CFAP126: variants seen among roughly 807,000 people sequenced by gnomAD.
CFAP126 encodes cilia and flagella associated protein 126.
CFAP126 carries 21 observed loss-of-function variants against 17.1 expected under a neutral mutation model. The observed-to-expected ratio is 1.23, with a 90% CI of 0.87 to 1.77. CFAP126 has a LOEUF of 1.77. CFAP126 is among the 40% of genes most tolerant of loss of function. The probability of loss-of-function intolerance (pLI) is 0.00; values close to 1 mark genes in which losing one functional copy is unlikely to be tolerated. For synonymous variants in CFAP126, 65 were observed against 73.5 expected (o/e 0.88, Z 0.59); for missense variants, 174 against 215.4 (o/e 0.81, Z 1.20).
intron 3 of CFAP126, 72 bp downstream of exon 3, chr1:161,366,126 G>T: frequency 8.2e-7 from 1 of 1,215,376 alleles, no homozygotes. Context: ...ATGGCTGTGA[G>T]AGACTGCACA....
intron 1 of CFAP126, 75 bp downstream of exon 1, chr1:161,367,767 A>G (rs754564503): frequency 7.6e-7 from 1 of 1,312,040 alleles, no homozygotes; most frequent in Non-Finnish European, 1.1e-6. Flanking sequence ...TCAGAATCCT[A>G]TGAGAGGGGA....
In CFAP126 at chr1:161,364,794, CCT is replaced by C. The variant is rs1672667780; in HGVS notation, c.*169_*170del. On this transcript the variant is annotated 3_prime_UTR_variant, in exon 5 of 5. Transcript: ENST00000367974. ...GCTTTTACTCCCACCCCAAAATTTCCCTGTTTCACAGTTCTGACTGGGGGCTC... is the reference window on the plus strand; with the variant it reads ...GCTTTTACTCCCACCCCAAAATTTCCGTTTCACAGTTCTGACTGGGGGCTC... 1.7e-6 allele frequency: 1 copy of C among 602,404 alleles called. No homozygotes were observed. The highest frequency in any genetic ancestry group is 2.7e-6 in the Non-Finnish European group (1 of 377,248). The allele number at this position is 602,404 out of a possible 1,614,324, so 37.3% of individuals were successfully genotyped here.
intron 1 of CFAP126, chr1:161,366,779 T>C (rs75243626): frequency 0.075 from 32,978 of 440,430 alleles, 1,777 homozygotes; most frequent in East Asian, 0.21. Flanking sequence ...TTTTTTTCTT[T>C]TCTTTTTTTT....
In CFAP126 at chr1:161,365,574, A is replaced by G; in HGVS notation, c.300T>C (p.Pro100=). The G allele has an allele frequency of 6.2e-7, 1 of 1,614,206 alleles. No homozygotes were observed. The highest frequency in any genetic ancestry group is 1.3e-5 in the African/African-American group (1 of 75,062). ...GCCCATTGGAGGCCTTGAGTAAATC[A>G]GGATTTTTCTGTATCCATTTGGTGA... ...ASLTKWIQKN[P]DLLKASNGLC... Residue 100 remains proline (P), a synonymous_variant, in exon 4 of 5, where the codon CCT becomes CCC. Transcript: ENST00000367974.
At chr1:161,365,245 T>G in intron 4 of CFAP126, 95 bp from the exon 5 acceptor site, 1 of 1,256,166 alleles carries the variant, frequency 8.0e-7, no homozygotes, top group Admixed American at 2.2e-5. Flanking sequence ...TTTCTCCCCA[T>G]ACCATGGGCA....
At chr1:161,365,739 A>T in intron 3 of CFAP126, 37 bp from the exon 4 acceptor site, 1 of 1,501,798 alleles carries the variant, frequency 6.7e-7, no homozygotes, top group South Asian at 1.3e-5. Context: ...AGGGCTTCTC[A>T]CTCCCAGTAA....
intron 1 of CFAP126, 47 bp downstream of exon 1, chr1:161,367,795 C>G (rs1489589780): frequency 7.1e-6 from 11 of 1,559,182 alleles, no homozygotes; most frequent in Non-Finnish European, 9.7e-6. Flanking sequence ...AAGATAGAAT[C>G]TGAAAAACAA....
chr1:161,365,405 T>G (rs1672693262), intron 4 of CFAP126, 121 bp downstream of exon 4: 1 of 1,221,096 alleles, frequency 8.2e-7, no homozygotes, highest in East Asian at 2.3e-5. Flanking sequence ...CTAGTCAAGA[T>G]AAGACAAATT....
At position 161,366,264 on chromosome 1, in the gene CFAP126, A is replaced by T; in HGVS notation, c.105T>A (p.His35Gln). Residue 35 changes from histidine (H) to glutamine (Q), a missense_variant, in exon 3 of 5, where the codon CAT (histidine) becomes CAA (glutamine). His to Gln is a conservative substitution (Grantham distance 24). Transcript: ENST00000367974. ...TGGCAATAATTTGAGTGTAGCCTTC[A>T]TGAGAAGAGATGCTCTGGGGTACAA... The part of the protein sequence containing the change: ...TKPTKESISS[H>Q]EGYTQIIAND... The T allele has an allele frequency of 2.5e-6, 4 of 1,613,778 alleles. No homozygotes were observed. Among genetic ancestry groups the T allele is most frequent in the Non-Finnish European group, 3.4e-6 (4 of 1,179,670 alleles).
Position 161,366,203 on chromosome 1 carries a change from A to G in CFAP126, c.166T>C (p.Ser56Pro). ...RGHLLPSVPR[S>P]KANPWGSFMG... ...GAGTGAAGATAGTATCTCACCTTGGAACGGGGCACAGAAGGCAGTAGATGA... is the reference window on the plus strand; with the variant it reads ...GAGTGAAGATAGTATCTCACCTTGGGACGGGGCACAGAAGGCAGTAGATGA... Residue 56 changes from serine (S) to proline (P), a missense_variant, in exon 3 of 5, where the codon TCC becomes CCC. Transcript: ENST00000367974. The G allele has an allele frequency of 6.2e-7, 1 of 1,608,742 alleles. No homozygotes were observed. The highest frequency in any genetic ancestry group is 8.5e-7 in the Non-Finnish European group (1 of 1,175,134).
At position 161,366,263 on chromosome 1, in the gene CFAP126, C is replaced by A; in HGVS notation, c.106G>T (p.Glu36Ter). 1.2e-6 allele frequency: 2 copies of A among 1,613,676 alleles called. No homozygotes were observed. The highest frequency in any genetic ancestry group is 8.5e-7 in the Non-Finnish European group (1 of 1,179,710). Reference sequence around the variant, plus strand: ...TTGGCAATAATTTGAGTGTAGCCTTCATGAGAAGAGATGCTCTGGGGTACA... The same window carrying A: ...TTGGCAATAATTTGAGTGTAGCCTTAATGAGAAGAGATGCTCTGGGGTACA... ...KPTKESISSH[E>*]GYTQIIANDR... Residue 36 changes from glutamate (E) to a stop codon, truncating the protein, a stop_gained, in exon 3 of 5, where the codon GAA becomes TAA. Transcript: ENST00000367974. LOFTEE classifies it high-confidence loss of function.
chr1:161,367,695 T>G (rs929488437), intron 1 of CFAP126, 147 bp downstream of exon 1: 17 of 745,122 alleles, frequency 2.3e-5, no homozygotes, highest in Non-Finnish European at 2.9e-5. Context: ...GCCCCTGGGC[T>G]CTCTCTATCC....
Position 161,365,637 on chromosome 1 carries a change from C to A in CFAP126, c.237G>T (p.Val79=). The change falls in exon 4 of 5, where the codon GTG becomes GTT. Residue 79 remains valine (V), a synonymous_variant. Coordinates refer to ENST00000367974, the MANE Select transcript of CFAP126 (RefSeq NM_001013625.4). ...QMPLKIPPAR[V]TLTSRTTAGA... ...CAGCAGTTGTACGGGAGGTCAGGGT[C>A]ACCCGAGCAGGGGGTATCTTCAGAG... The A allele has an allele frequency of 6.2e-7, 1 of 1,614,002 alleles. No individual in the cohort carries two copies. Among genetic ancestry groups the A allele is most frequent in the Non-Finnish European group, 8.5e-7 (1 of 1,179,968 alleles).
chr1:161,367,099 A>G (rs140153004), intron 1 of CFAP126: 2 of 152,292 alleles, frequency 1.3e-5, no homozygotes, highest in African/African-American at 4.8e-5. Context: ...AGTACAAAAA[A>G]AGAACGTAAA....
chr1:161,367,872 C>A lies in CFAP126; in HGVS notation c.-4G>T. The A allele has an allele frequency of 6.2e-7, 1 of 1,613,164 alleles. No individual in the cohort carries two copies. Among genetic ancestry groups the A allele is most frequent in the Non-Finnish European group, 8.5e-7 (1 of 1,179,912 alleles). ...TGGCACTGTAGTTAGTGGCCATGATCTTGTGCTGTTTACACTCGTTGCTTG... is the reference window on the plus strand; with the variant it reads ...TGGCACTGTAGTTAGTGGCCATGATATTGTGCTGTTTACACTCGTTGCTTG... On this transcript the variant is annotated 5_prime_UTR_variant, in exon 1 of 5. Transcript: ENST00000367974.
chr1:161,365,219 C>G, intron 4 of CFAP126, 69 bp from the exon 5 acceptor site: 1 of 1,464,402 alleles, frequency 6.8e-7, no homozygotes, highest in Non-Finnish European at 9.5e-7. Flanking sequence ...TAATGCACCT[C>G]AGGATTCTAA....
intron 2 of CFAP126, 39 bp from the exon 3 acceptor site, chr1:161,366,317 A>T: frequency 6.3e-7 from 1 of 1,584,598 alleles, no homozygotes; most frequent in Non-Finnish European, 8.7e-7. Context: ...TTGTGAGGGG[A>T]AAAAGGGAAG....
chr1:161,367,574 G>T (rs1238273756), intron 1 of CFAP126: 9 of 388,354 alleles, frequency 2.3e-5, no homozygotes, highest in African/African-American at 4.1e-5. Flanking sequence ...TTTTGACTTT[G>T]CCACTTGGCC....
chr1:161,365,262 C>G (rs1416865214), intron 4 of CFAP126, 112 bp from the exon 5 acceptor site: 4 of 1,147,670 alleles, frequency 3.5e-6, no homozygotes, highest in Non-Finnish European at 5.0e-6. Flanking sequence ...GGCAGTAGAT[C>G]AAGTTTCAAA....
Sources: allele counts gnomAD v4.1 joint callset, GRCh38; gene constraint gnomAD v4.1.1; transcripts MANE v1.5; gene names NCBI Gene and HGNC (gene_info 2026-07-23, HGNC 2026-07-21).